GSN: variants seen among roughly 807,000 people sequenced by gnomAD.
GSN encodes actin-depolymerizing factor.
GSN carries 56 observed loss-of-function variants against 85.7 expected under a neutral mutation model. The observed-to-expected ratio is 0.65, with a 90% CI of 0.53 to 0.82. The LOEUF (loss-of-function observed/expected upper bound fraction) is 0.82. Among genes scored for constraint, GSN ranks in the 40% least tolerant of loss-of-function variants. The pLI is 0.00. For synonymous variants in GSN, 373 were observed against 399.1 expected, an observed-to-expected ratio of 0.93 and a Z score of 0.78; for missense variants, 857 against 979.8, an observed-to-expected ratio of 0.87 and a Z score of 1.67.
At position 121,220,659 on chromosome 9, in the gene GSN, G is replaced by A. The variant is rs561465575; in HGVS notation, c.-528+9792G>A. On this transcript the variant is annotated intron_variant, in intron 4 of 24. Transcript: ENST00000373823. ...ACATTAGGTAACTAAACCACCTAGT[G>A]AGATAGTTATTCTATTTTCAATTAT... Among the ~76,000 whole-genome samples, 13 of 152,324 alleles carry A rather than the reference G, an allele frequency of 8.5e-5. No homozygotes were observed. In the East Asian group the frequency reaches 2.5e-3, roughly 29 times the overall value.
At chr9:121,214,910 C>CTTGTTGTA (rs1337316067) in intron 4 of GSN, among the ~76,000 whole-genome samples, 1 of 152,132 alleles carries the variant, frequency 6.6e-6, no homozygotes, top group African/African-American at 2.4e-5. Flanking sequence ...TATGAGCTTC[C>CTTGTTGTA]TAGGGCTGCT....
chr9:121,248,991 G>A (rs1490109158), intron 6 of GSN, among the ~76,000 whole-genome samples: 2 of 152,212 alleles, frequency 1.3e-5, no homozygotes, highest in African/African-American at 4.8e-5. Flanking sequence ...ATTAGCACGA[G>A]ATGAGATTGG....
intron 4 of GSN, among the ~76,000 whole-genome samples, chr9:121,223,561 T>A (rs371627026): frequency 7.9e-5 from 12 of 152,180 alleles, no homozygotes; most frequent in African/African-American, 2.9e-4. Flanking sequence ...GGGGAATGCT[T>A]ACTCCGGGAG....
At position 121,318,871 on chromosome 9, in the gene GSN, C is replaced by A; in HGVS notation, c.1182C>A (p.Gly394=). The part of the protein sequence containing the change: ...AQHGMDDDGT[G]QKQIWRIEGS... ...ACGGCATGGATGACGATGGCACAGG[C>A]CAGAAACAGGTACGTTTAGGGCGTG... The change falls in exon 10 of 18, where the codon GGC becomes GGA. Residue 394 remains glycine (G), a synonymous_variant. Transcript: ENST00000432226. This position sits in a 1 kb window ranked among gnomAD's most constrained non-coding sequence, Gnocchi z 4.3. 1 of 1,613,464 alleles carries A rather than the reference C, an allele frequency of 6.2e-7. No individual in the cohort carries two copies. The highest frequency in any genetic ancestry group is 8.5e-7 in the Non-Finnish European group (1 of 1,179,546).
intron 4 of GSN, among the ~76,000 whole-genome samples, chr9:121,223,948 C>G (rs899702435): frequency 6.6e-6 from 1 of 151,990 alleles, no homozygotes; most frequent in East Asian, 1.9e-4. Context: ...CATGACCAAC[C>G]GTGCCCAGCC....
intron 2 of GSN, chr9:121,281,791 C>T (rs1206462731): frequency 1.1e-5 from 5 of 471,030 alleles, no homozygotes; most frequent in Non-Finnish European, 2.2e-5. Flanking sequence ...CGGGACTGGG[C>T]TCGGTGCCCG....
chr9:121,262,294 G>A (rs2055104046), intron 6 of GSN, among the ~76,000 whole-genome samples: 1 of 152,208 alleles, frequency 6.6e-6, no homozygotes, highest in African/African-American at 2.4e-5. Flanking sequence ...TCAAATCCCA[G>A]CTCTACCACT....
In GSN at chr9:121,302,927, G is replaced by A. The variant is rs1407322549; in HGVS notation, c.213G>A (p.Gln71=). 6.2e-7 allele frequency: 1 copy of A among 1,613,950 alleles called. No homozygotes were observed. Among genetic ancestry groups the A allele is most frequent in the South Asian group, 1.1e-5 (1 of 91,080 alleles). ...LHYWLGNECS[Q]DESGAAAIFT... ...GTCCCGTAGGCAATGAGTGCAGCCA[G>A]GATGAGAGCGGGGCGGCCGCCATCT... The change falls in exon 4 of 18, where the codon CAG becomes CAA. Residue 71 remains glutamine (Q), a synonymous_variant. Transcript: ENST00000432226.
At chr9:121,220,278 G>A (rs1306744394) in intron 4 of GSN, among the ~76,000 whole-genome samples, 1 of 152,234 alleles carries the variant, frequency 6.6e-6, no homozygotes, top group Non-Finnish European at 1.5e-5. Flanking sequence ...TTCCCGCAGT[G>A]GCGTCAAAAG....
chr9:121,251,825 G>A (rs1474919490), intron 6 of GSN, among the ~76,000 whole-genome samples: 1 of 152,020 alleles, frequency 6.6e-6, no homozygotes, highest in Non-Finnish European at 1.5e-5. Context: ...GCCGGGTGTG[G>A]TGGCAGACAC....
chr9:121,253,893 C>G (rs918786481), intron 6 of GSN, among the ~76,000 whole-genome samples: 4 of 152,214 alleles, frequency 2.6e-5, no homozygotes, highest in African/African-American at 9.6e-5. Flanking sequence ...TACCCTACAT[C>G]AGCTCCCAGG....
At chr9:121,331,890 G>GA (rs2063952505) in intron 17 of GSN, 2 of 192,396 alleles carry the variant, frequency 1.0e-5, no homozygotes, top group African/African-American at 2.4e-5. Context: ...CTCATCTCTA[G>GA]AAAAAATACA....
intron 6 of GSN, among the ~76,000 whole-genome samples, chr9:121,253,500 A>G (rs924171318): frequency 3.3e-5 from 5 of 152,092 alleles, no homozygotes; most frequent in Admixed American, 6.6e-5. Context: ...CTATGAGCTT[A>G]TAGGTTTTGT....
At chr9:121,326,418 G>T (rs1207805587) in intron 12 of GSN, 94 bp from the exon 13 acceptor site, 5 of 1,000,760 alleles carry the variant, frequency 5.0e-6, no homozygotes, top group Non-Finnish European at 7.8e-6. Flanking sequence ...ACACAAGCAT[G>T]ATGGCTTCGT....
chr9:121,220,352 T>A (rs879802927), intron 4 of GSN, among the ~76,000 whole-genome samples: 10 of 147,478 alleles, frequency 6.8e-5, no homozygotes, highest in Non-Finnish European at 1.2e-4. Context: ...CCCACTGATA[T>A]CTGCATCATT....
intron 4 of GSN, among the ~76,000 whole-genome samples, chr9:121,221,895 T>C (rs1451673489): frequency 1.3e-5 from 2 of 152,204 alleles, no homozygotes; most frequent in South Asian, 2.1e-4. Context: ...AAGTGCGTTA[T>C]GTCAGAAAAA....
At position 121,322,578 on chromosome 9, in the gene GSN, G is replaced by A. The variant is rs568012098; in HGVS notation, c.1325+1177G>A. 5.3e-5 allele frequency among the ~76,000 whole-genome samples: 8 copies of A among 152,298 alleles called. No individual in the cohort carries two copies. The South Asian group carries it at 1.7e-3, about 32-fold the overall frequency. On this transcript the variant is annotated intron_variant, in intron 11 of 17. Transcript: ENST00000432226. Reference sequence around the variant, plus strand: ...AAGTTCCCAGAAGTCAGATTGCTGGGTCAAAGAGTAACTGCACTTGTCATT... The same window carrying A: ...AAGTTCCCAGAAGTCAGATTGCTGGATCAAAGAGTAACTGCACTTGTCATT...
intron 6 of GSN, among the ~76,000 whole-genome samples, chr9:121,250,758 C>T (rs1269930385): frequency 6.6e-5 from 10 of 151,714 alleles, no homozygotes; most frequent in Admixed American, 3.3e-4. Context: ...AGGCTGGTCT[C>T]GAACTCCCGA....
intron 2 of GSN, among the ~76,000 whole-genome samples, chr9:121,288,466 C>T (rs189198477): frequency 6.6e-6 from 1 of 152,190 alleles, no homozygotes; most frequent in African/African-American, 2.4e-5. Flanking sequence ...GTACGGTTGG[C>T]ACAGGCCTAG....
Sources: allele counts gnomAD v4.1 joint callset (sites outside exome capture counted in the v4.1 genomes callset), GRCh38; gene constraint gnomAD v4.1.1; non-coding constraint Gnocchi (gnomAD v3.1); transcripts MANE v1.5; gene names NCBI Gene and HGNC (gene_info 2026-07-23, HGNC 2026-07-21).